The following CELSR3 variants were observed in gnomAD, a reference collection of about 807,000 sequenced individuals.
CELSR3 encodes the protein EGF-like protein 1.
A neutral mutation model predicts 270.0 loss-of-function variants in CELSR3; 73 were observed. The ratio of observed to expected loss-of-function variants is 0.27; its 90% CI spans 0.22 to 0.33. The LOEUF (loss-of-function observed/expected upper bound fraction) is 0.33. Ranked by LOEUF, CELSR3 falls within the 10% of genes least tolerant of loss-of-function variation. The pLI, the probability that CELSR3 is intolerant of heterozygous loss-of-function variation, is 1.00. For synonymous variants in CELSR3, 1,780 were observed against 1,905.4 expected (o/e 0.93, Z 1.71); for missense variants, 3,614 against 4,533.8 (o/e 0.80, Z 5.83).
At position 48,641,232 on chromosome 3, in the gene CELSR3, C is replaced by G. The variant is rs939355494; in HGVS notation, c.9025+92G>C. Reference sequence around the variant, plus strand: ...CCTAGGTCAGAGTAAGAAGAGCTCTCAGTTTGGGATGAGGAAGCTGCAATC... The same window carrying G: ...CCTAGGTCAGAGTAAGAAGAGCTCTGAGTTTGGGATGAGGAAGCTGCAATC... On this transcript the variant is annotated intron_variant, in intron 33 of 34. Transcript: ENST00000164024. This position sits in a 1 kb window ranked among gnomAD's most constrained non-coding sequence, Gnocchi z 4.8. 1.2e-6 allele frequency: 1 copy of G among 841,080 alleles called. No homozygotes were observed. Among genetic ancestry groups the G allele is most frequent in the African/African-American group, 1.7e-5 (1 of 59,528 alleles). 52.1% of individuals were successfully genotyped at this position (841,080 alleles called of 1,614,324 possible).
In CELSR3 at chr3:48,650,649, C is replaced by T; in HGVS notation, c.6371-68G>A. ...GGCAGTTGACAGCCACACCCACTGC[C>T]CCTCCACCACCCCCCACAAGGCCCA... is the stretch of plus-strand genomic sequence containing the variant. On this transcript the variant is annotated intron_variant, in intron 15 of 34. Coordinates refer to ENST00000164024, the MANE Select transcript of CELSR3 (RefSeq NM_001407.3). This position sits in a 1 kb window ranked among gnomAD's most constrained non-coding sequence, Gnocchi z 5.1. 2 of 1,282,550 alleles carry T rather than the reference C, an allele frequency of 1.6e-6. No homozygotes were observed. Among genetic ancestry groups the T allele is most frequent in the Middle Eastern group, 2.1e-4 (1 of 4,764 alleles). The allele number at this position is 1,282,550 out of a possible 1,614,324, so 79.4% of individuals were successfully genotyped here.
Position 48,654,415 on chromosome 3 carries a change from C to T in CELSR3, c.5026G>A (p.Val1676Ile), listed in dbSNP as rs758974263. The change falls in exon 7 of 35, where the codon GTC becomes ATC. Residue 1676 changes from valine (V) to isoleucine (I), a missense_variant. Physicochemically the swap from Val to Ile is conservative, Grantham distance 29 (BLOSUM62 3). This residue lies in a region of CELSR3 where 1,331 missense variants were observed against 1,933.7 expected (regional missense o/e 0.69). Coordinates refer to ENST00000164024, the MANE Select transcript of CELSR3 (RefSeq NM_001407.3). This position sits in a 1 kb window ranked among gnomAD's most constrained non-coding sequence, Gnocchi z 5.4. ...GGGAAGTTCTCGGGGAGGTTGGGGA[C>T]ACCTCCCAGAAGAAGAGGGCCCGTC... ...DLTGPLLLGG[V>I]PNLPENFPVS... 1.2e-6 allele frequency: 2 copies of T among 1,605,594 alleles called. No homozygotes were observed. Among genetic ancestry groups the T allele is most frequent in the East Asian group, 2.2e-5 (1 of 44,616 alleles).
chr3:48,641,959 G>A lies in CELSR3; in HGVS notation c.8716C>T (p.Leu2906Phe). ...SDLSLEEERS[L>F]SIPSSESEDN... Reference sequence around the variant, plus strand: ...TCGCTTTCTGAAGATGGAATGGAGAGACTCCTCTCCTCCTCCAAGGACAGG... The same window carrying A: ...TCGCTTTCTGAAGATGGAATGGAGAAACTCCTCTCCTCCTCCAAGGACAGG... The change falls in exon 32 of 35, where the codon CTC becomes TTC. Residue 2906 changes from leucine to phenylalanine, a missense_variant. By Grantham distance (22) the Leu-to-Phe change is conservative. Transcript: ENST00000164024. This position sits in a 1 kb window ranked among gnomAD's most constrained non-coding sequence, Gnocchi z 4.8. 2 of 1,595,372 alleles carry A rather than the reference G, an allele frequency of 1.3e-6. No homozygotes were observed. Among genetic ancestry groups the A allele is most frequent in the Non-Finnish European group, 1.7e-6 (2 of 1,173,538 alleles).
chr3:48,656,866 G>A lies in CELSR3; in HGVS notation c.4231C>T (p.Arg1411Ter), dbSNP rs1406590085. The A allele has an allele frequency of 6.2e-7, 1 of 1,609,158 alleles. No homozygotes were observed. Residue 1411 changes from arginine to a stop codon, truncating the protein, a stop_gained, in exon 2 of 35, where the codon CGA becomes TGA. Coordinates refer to ENST00000164024, the MANE Select transcript of CELSR3 (RefSeq NM_001407.3). LOFTEE classifies it high-confidence loss of function. ...PFLASASTLF[R>*]PIQPIAGLRC... ...AGGCCAGCGATGGGCTGGATGGGTCGGAACAGCGTGGAGGCCGAGGCCAGG... is the reference window on the plus strand; with the variant it reads ...AGGCCAGCGATGGGCTGGATGGGTCAGAACAGCGTGGAGGCCGAGGCCAGG...
At chr3:48,656,482 C>T (rs1181988408) in intron 2 of CELSR3, 117 bp from the exon 3 acceptor site, 2 of 1,147,542 alleles carry the variant, frequency 1.7e-6, no homozygotes, top group East Asian at 5.8e-5. Flanking sequence ...TCGCCCTCTT[C>T]GGTGGACACG....
intron 27 of CELSR3, chr3:48,643,978 A>G: frequency 1.7e-6 from 1 of 586,394 alleles, no homozygotes; most frequent in Non-Finnish European, 3.0e-6. Context: ...CACCCAGGCC[A>G]TGGGAGACTC....
At position 48,640,893 on chromosome 3, in the gene CELSR3, C is replaced by T; in HGVS notation, c.9026-334G>A. 3 of 431,744 alleles carry T rather than the reference C, an allele frequency of 6.9e-6. No homozygotes were observed. Among genetic ancestry groups the T allele is most frequent in the East Asian group, 4.0e-5 (1 of 25,098 alleles). 26.7% of individuals were successfully genotyped at this position (431,744 alleles called of 1,614,324 possible). A position where few individuals can be genotyped will look rare whatever the true frequency, so the allele number is the denominator to read the frequency against. On this transcript the variant is annotated intron_variant, in intron 33 of 34. Coordinates refer to ENST00000164024, the MANE Select transcript of CELSR3 (RefSeq NM_001407.3). This position sits in a 1 kb window ranked among gnomAD's most constrained non-coding sequence, Gnocchi z 7.5. ...TGCAGGCCTGGCTGAAATGCAGGAA[C>T]CCCCCGGGTTGGACAGGAGCAGTCC...
In CELSR3 at chr3:48,640,599, A is replaced by C; in HGVS notation, c.9026-40T>G. ...AAATGGGGGGCAGGGTTTGTGTGGG[A>C]GGGGGAGGGCAGGCAGGAATTGCTG... On this transcript the variant is annotated intron_variant, in intron 33 of 34. Coordinates refer to ENST00000164024, the MANE Select transcript of CELSR3 (RefSeq NM_001407.3). This position sits in a 1 kb window ranked among gnomAD's most constrained non-coding sequence, Gnocchi z 7.5. 16 of 1,249,132 alleles carry C rather than the reference A, an allele frequency of 1.3e-5. No individual in the cohort carries two copies. The highest frequency in any genetic ancestry group is 1.6e-5 in the South Asian group (1 of 62,650). The allele number at this position is 1,249,132 out of a possible 1,614,324, so 77.4% of individuals were successfully genotyped here.
intron 19 of CELSR3, 66 bp from the exon 20 acceptor site, chr3:48,648,062 C>T (rs1214147550): frequency 1.0e-5 from 16 of 1,574,498 alleles, no homozygotes; most frequent in Non-Finnish European, 1.4e-5. Flanking sequence ...GTTCTACTCC[C>T]TCTTACTCGC....
Position 48,645,578 on chromosome 3 carries a change from C to T in CELSR3, c.7662G>A (p.Leu2554=), listed in dbSNP as rs2047073591. 2 of 1,612,376 alleles carry T rather than the reference C, an allele frequency of 1.2e-6. No homozygotes were observed. The highest frequency in any genetic ancestry group is 1.7e-6 in the Non-Finnish European group (2 of 1,179,876). The change falls in exon 24 of 35, where the codon CTG becomes CTA. Residue 2554 remains leucine, a synonymous_variant. Transcript: ENST00000164024. The surrounding 1 kb of genome is among the most constrained non-coding windows in gnomAD (Gnocchi z 5.4). ...TCAGCAGGATGGCTGCAGTCAGCAC[C>T]AGCGCAGCCACAGACACAGCCACGA... The part of the protein sequence containing the change: ...HVVVAVSVAA[L]VLTAAILLSL...
Position 48,655,638 on chromosome 3 carries a change from G to GTGTGCTCAGGTGCACAGTGAAGCA in CELSR3, c.4741+74_4741+97dup, listed in dbSNP as rs2047173833. 9.4e-7 allele frequency: 1 copy of GTGTGCTCAGGTGCACAGTGAAGCA among 1,059,822 alleles called. No homozygotes were observed. The highest frequency in any genetic ancestry group is 1.6e-5 in the African/African-American group (1 of 64,406). 65.7% of individuals were successfully genotyped at this position (1,059,822 alleles called of 1,614,324 possible). Reference sequence around the variant, plus strand: ...CTTCAGGGCTTGCATGGCGTGGAGTGTGTGCTCAGGTGCACAGTGAAGCAA... The same window carrying GTGTGCTCAGGTGCACAGTGAAGCA: ...CTTCAGGGCTTGCATGGCGTGGAGTGTGTGCTCAGGTGCACAGTGAAGCATGTGCTCAGGTGCACAGTGAAGCAA... On this transcript the variant is annotated intron_variant, in intron 4 of 34. Transcript: ENST00000164024. The surrounding 1 kb of genome is among the most constrained non-coding windows in gnomAD (Gnocchi z 5.8).
Position 48,662,307 on chromosome 3 carries a change from C to T in CELSR3, c.328G>A (p.Gly110Arg). Reference sequence around the variant, plus strand: ...AATGGCTGGACGCCGTGTTCAATCCCCAGCTCCTCATTCGGCTGCTCAGGG... The same window carrying T: ...AATGGCTGGACGCCGTGTTCAATCCTCAGCTCCTCATTCGGCTGCTCAGGG... ...GPPEQPNEELGIEHGVQPLGS... is the reference protein window; with the variant it reads ...GPPEQPNEELRIEHGVQPLGS... Residue 110 changes from glycine to arginine, a missense_variant, in exon 1 of 35, where the codon GGG (glycine) becomes AGG (arginine). By Grantham distance (125) the Gly-to-Arg change is moderately radical (BLOSUM62 -2). Transcript: ENST00000164024. This position sits in a 1 kb window ranked among gnomAD's most constrained non-coding sequence, Gnocchi z 7.1. The T allele has an allele frequency of 8.1e-6, 13 of 1,613,104 alleles. No individual in the cohort carries two copies. The highest frequency in any genetic ancestry group is 1.3e-5 in the African/African-American group (1 of 75,074).
In CELSR3 at chr3:48,653,863, A is replaced by T. The variant is rs377241403; in HGVS notation, c.5278+15T>A. 12 of 1,613,234 alleles carry T rather than the reference A, an allele frequency of 7.4e-6. No homozygotes were observed. The African/African-American group carries it at 1.5e-4, about 20-fold the overall frequency. On this transcript the variant is annotated intron_variant, in intron 8 of 34. Coordinates refer to ENST00000164024, the MANE Select transcript of CELSR3 (RefSeq NM_001407.3). The surrounding 1 kb of genome is among the most constrained non-coding windows in gnomAD (Gnocchi z 6.5). ...CTGACCCTGCAGGCCCCTCTGCCCC[A>T]TGCTGCCCACTTACTAAGCTGACAG... is the stretch of plus-strand genomic sequence containing the variant.
Position 48,657,083 on chromosome 3 carries a change from G to C in CELSR3, c.4014C>G (p.Ala1338=). 1 of 1,613,794 alleles carries C rather than the reference G, an allele frequency of 6.2e-7. No individual in the cohort carries two copies. The highest frequency in any genetic ancestry group is 8.5e-7 in the Non-Finnish European group (1 of 1,179,934). Reference sequence around the variant, plus strand: ...ACCAGGGCCCTGCAGCGCCCGCCCCGGCCCCACGTGGAGCTAGCGCCGAGA... The same window carrying C: ...ACCAGGGCCCTGCAGCGCCCGCCCCCGCCCCACGTGGAGCTAGCGCCGAGA... The part of the protein sequence containing the change: ...VSFSALAPRG[A]GAGAAGPWFS... Residue 1338 remains alanine, a synonymous_variant, in exon 2 of 35, where the codon GCC becomes GCG. Transcript: ENST00000164024. The surrounding 1 kb of genome is among the most constrained non-coding windows in gnomAD (Gnocchi z 5.4).
At chr3:48,638,977 C>T (rs975993225) in intron 34 of CELSR3, among the ~76,000 whole-genome samples, 4 of 151,618 alleles carry the variant, frequency 2.6e-5, no homozygotes, top group African/African-American at 9.7e-5. Context: ...CAACTCTCCT[C>T]TTGGCTTACA....
At chr3:48,648,090 C>A in intron 19 of CELSR3, 94 bp from the exon 20 acceptor site, 1 of 1,515,380 alleles carries the variant, frequency 6.6e-7, no homozygotes, top group South Asian at 1.2e-5. Flanking sequence ...ACCTGAGTCC[C>A]ACAATCTGTT....
In CELSR3 at chr3:48,662,217, A is replaced by T; in HGVS notation, c.418T>A (p.Ser140Thr). The change falls in exon 1 of 35, where the codon TCC becomes ACC. Residue 140 changes from serine (S) to threonine (T), a missense_variant. Ser to Thr is a moderately conservative substitution (Grantham distance 58). Transcript: ENST00000164024. The surrounding 1 kb of genome is among the most constrained non-coding windows in gnomAD (Gnocchi z 7.1). ...GSVLYWRPEV[S>T]SCGRTGPLQR... The stretch of plus-strand genomic sequence containing the variant: ...AAAGGTCCTGTCCGCCCGCAAGAGG[A>T]GACCTCTGGGCGCCAGTATAACACA... 5 of 1,613,164 alleles carry T rather than the reference A, an allele frequency of 3.1e-6. No individual in the cohort carries two copies. Among genetic ancestry groups the T allele is most frequent in the Non-Finnish European group, 4.2e-6 (5 of 1,179,926 alleles).
Position 48,639,796 on chromosome 3 carries a change from A to G in CELSR3, c.9789T>C (p.Ser3263=). The change falls in exon 34 of 35, where the codon TCT becomes TCC. Residue 3263 remains serine, a synonymous_variant. Coordinates refer to ENST00000164024, the MANE Select transcript of CELSR3 (RefSeq NM_001407.3). The surrounding 1 kb of genome is among the most constrained non-coding windows in gnomAD (Gnocchi z 4.1). ...FNSSALSSVQ[S]SSTPLGPHTT... ...TGTGAGGGCCCAAGGGTGTGCTTGA[A>G]GATTGCACAGAGGAGAGGGCCGAGG... 6.2e-7 allele frequency: 1 copy of G among 1,613,834 alleles called. No homozygotes were observed. The highest frequency in any genetic ancestry group is 8.5e-7 in the Non-Finnish European group (1 of 1,179,990).
chr3:48,644,818 C>G lies in CELSR3; in HGVS notation c.7983G>C (p.Val2661=), dbSNP rs1379935491. 8 of 1,612,974 alleles carry G rather than the reference C, an allele frequency of 5.0e-6. No individual in the cohort carries two copies. The highest frequency in any genetic ancestry group is 1.6e-4 in the Middle Eastern group (1 of 6,084). Residue 2661 remains valine (V), a synonymous_variant, in exon 26 of 35, where the codon GTG becomes GTC. Transcript: ENST00000164024. This position sits in a 1 kb window ranked among gnomAD's most constrained non-coding sequence, Gnocchi z 4.8. ...TCCCATAGCCCTCAGGGTCCAGGCCCACAGCAAGGCCTTGGGAAGAGAAAG... is the reference window on the plus strand; with the variant it reads ...TCCCATAGCCCTCAGGGTCCAGGCCGACAGCAAGGCCTTGGGAAGAGAAAG... The part of the protein sequence containing the change: ...GVPAVLLGLA[V]GLDPEGYGNP...
Sources: allele counts gnomAD v4.1 joint callset (sites outside exome capture counted in the v4.1 genomes callset), GRCh38; gene constraint gnomAD v4.1.1; regional missense constraint gnomAD v4.1.1; non-coding constraint Gnocchi (gnomAD v3.1); transcripts MANE v1.5; gene names NCBI Gene and HGNC (gene_info 2026-07-23, HGNC 2026-07-21).